COL21A1: variants seen among roughly 807,000 people sequenced by gnomAD.
The protein encoded by COL21A1 is collagen type XXI alpha 1 chain.
In COL21A1, 149 loss-of-function variants were observed where a neutral mutation model predicts 137.9. That is an observed-to-expected ratio of 1.08 (90% CI 0.95 to 1.24). The LOEUF is 1.24. Among genes scored for constraint, COL21A1 ranks in the 50% most tolerant of loss-of-function variants. The pLI is 0.00. For synonymous variants in COL21A1, 456 were observed against 391.5 expected (o/e 1.16, Z -1.95); for missense variants, 1,167 against 1,158.4 (o/e 1.01, Z -0.11).
intron 1 of COL21A1, among the ~76,000 whole-genome samples, chr6:56,243,758 T>G (rs1004729611): frequency 6.6e-6 from 1 of 152,160 alleles, no homozygotes; most frequent in African/African-American, 2.4e-5. Context: ...TTTAAACAAC[T>G]AGAAAGTAAT....
intron 1 of COL21A1, among the ~76,000 whole-genome samples, chr6:56,211,602 T>C (rs1246551203): frequency 3.3e-5 from 5 of 151,948 alleles, no homozygotes; most frequent in African/African-American, 4.8e-5. Flanking sequence ...CAAAAACAAC[T>C]CATCTGATTT....
intron 9 of COL21A1, among the ~76,000 whole-genome samples, chr6:56,158,289 C>CTTTTT (rs1775939820): frequency 1.7e-4 from 1 of 5,806 alleles, no homozygotes; most frequent in East Asian, 3.8e-3. Context: ...TTTTTTTTTT[C>CTTTTT]TGAGATGGGG....
chr6:56,122,457 C>T (rs935269243), intron 16 of COL21A1, among the ~76,000 whole-genome samples: 9 of 152,120 alleles, frequency 5.9e-5, no homozygotes, highest in Admixed American at 2.0e-4. Context: ...GGACTACAGG[C>T]GTCCACCACC....
chr6:56,174,645 T>C (rs1777316574), intron 3 of COL21A1, among the ~76,000 whole-genome samples: 2 of 151,906 alleles, frequency 1.3e-5, no homozygotes, highest in African/African-American at 2.4e-5. Context: ...TAACTAGAGA[T>C]TAAAGGAAAT....
chr6:56,356,997 A>C (rs1246016624), intron 1 of COL21A1, among the ~76,000 whole-genome samples: 1 of 152,146 alleles, frequency 6.6e-6, no homozygotes, highest in African/African-American at 2.4e-5. Context: ...GGGCCCACTA[A>C]AGACAATATA....
intron 1 of COL21A1, among the ~76,000 whole-genome samples, chr6:56,347,285 AT>A (rs1437948354): frequency 1.3e-5 from 2 of 151,980 alleles, no homozygotes; most frequent in Non-Finnish European, 2.9e-5. Flanking sequence ...CACACCAGGA[AT>A]CCCCCAACCT....
intron 1 of COL21A1, among the ~76,000 whole-genome samples, chr6:56,191,444 A>T (rs1475043213): frequency 6.7e-6 from 1 of 150,124 alleles, no homozygotes; most frequent in African/African-American, 2.5e-5. Flanking sequence ...AAAAAAAAAA[A>T]AGTCGGGTGT....
At chr6:56,138,734 A>T (rs755018329) in intron 12 of COL21A1, among the ~76,000 whole-genome samples, 2 of 152,086 alleles carry the variant, frequency 1.3e-5, no homozygotes, top group Non-Finnish European at 2.9e-5. Flanking sequence ...CAGAGAGAGA[A>T]ATGGCAGTGA....
chr6:56,207,964 C>G (rs1282559099), intron 1 of COL21A1, among the ~76,000 whole-genome samples: 1 of 152,088 alleles, frequency 6.6e-6, no homozygotes, highest in Non-Finnish European at 1.5e-5. Context: ...CAGAAAAGGC[C>G]TTCGACAAAA....
intron 10 of COL21A1, among the ~76,000 whole-genome samples, chr6:56,151,992 C>T (rs141258190): frequency 6.6e-6 from 1 of 152,302 alleles, no homozygotes; most frequent in African/African-American, 2.4e-5. Context: ...TTTGGGAAGA[C>T]AGGATTTGGG....
At chr6:56,141,016 T>C (rs1404685343) in intron 12 of COL21A1, among the ~76,000 whole-genome samples, 1 of 152,184 alleles carries the variant, frequency 6.6e-6, no homozygotes, top group Non-Finnish European at 1.5e-5. Context: ...GTAAGGAACA[T>C]TTATTCCCAC....
chr6:56,244,299 C>G (rs1483631852), intron 1 of COL21A1, among the ~76,000 whole-genome samples: 1 of 152,156 alleles, frequency 6.6e-6, no homozygotes, highest in East Asian at 1.9e-4. Flanking sequence ...GCAGTGCTGC[C>G]CCATCTGTCA....
intron 2 of COL21A1, among the ~76,000 whole-genome samples, chr6:56,180,887 C>T (rs1269766452): frequency 6.6e-6 from 1 of 152,202 alleles, no homozygotes; most frequent in South Asian, 2.1e-4. Context: ...ATTGCCCCAA[C>T]GAACCAGTTT....
At chr6:56,096,092 C>T (rs1769298351) in intron 17 of COL21A1, among the ~76,000 whole-genome samples, 1 of 151,966 alleles carries the variant, frequency 6.6e-6, no homozygotes, top group Non-Finnish European at 1.5e-5. Flanking sequence ...AGTAATCCAC[C>T]TGCCTTGGCC....
intron 12 of COL21A1, among the ~76,000 whole-genome samples, chr6:56,127,223 G>T (rs1773119332): frequency 6.6e-6 from 1 of 152,164 alleles, no homozygotes; most frequent in African/African-American, 2.4e-5. Flanking sequence ...GGTTAAATCA[G>T]TAGTCAGGGT....
chr6:56,175,705 C>T (rs1777416714), intron 3 of COL21A1, among the ~76,000 whole-genome samples: 1 of 152,040 alleles, frequency 6.6e-6, no homozygotes, highest in Admixed American at 6.6e-5. Context: ...TCCATACTGC[C>T]TAACTTGATC....
chr6:56,255,895 C>T (rs969980027), intron 1 of COL21A1, among the ~76,000 whole-genome samples: 4 of 152,180 alleles, frequency 2.6e-5, no homozygotes, highest in African/African-American at 9.7e-5. Flanking sequence ...ACAGGATGGG[C>T]TCCATAGGGT....
Position 56,062,546 on chromosome 6 carries a change from C to T in COL21A1, c.2173-865G>A, listed in dbSNP as rs535472100. Among the ~76,000 whole-genome samples the T allele has an allele frequency of 6.8e-4, 104 of 152,164 alleles. 1 individual carries two copies. The highest frequency in any genetic ancestry group is 2.5e-3 in the African/African-American group (102 of 41,532). On this transcript the variant is annotated intron_variant, in intron 24 of 29. Coordinates refer to ENST00000244728, the MANE Select transcript of COL21A1 (RefSeq NM_030820.4). ...ATTATTCAACTTTAAAATAAAAAAT[C>T]AGTGTTCTGCAATTTAATATGAAAT...
At chr6:56,131,514 T>A (rs1925168) in intron 12 of COL21A1, among the ~76,000 whole-genome samples, 10,864 of 151,894 alleles carry the variant, frequency 0.072, 432 homozygotes, top group Middle Eastern at 0.12. Flanking sequence ...AAACTCAGCC[T>A]CTGGGAGGGA....
Sources: allele counts gnomAD v4.1 joint callset (sites outside exome capture counted in the v4.1 genomes callset), GRCh38; gene constraint gnomAD v4.1.1; transcripts MANE v1.5; gene names NCBI Gene and HGNC (gene_info 2026-07-23, HGNC 2026-07-21).